ENPP2: variants seen among roughly 807,000 people sequenced by gnomAD.
The protein encoded by ENPP2 is ectonucleotide pyrophosphatase/phosphodiesterase 2.
A neutral mutation model predicts 120.2 loss-of-function variants in ENPP2; 51 were observed. The ratio of observed to expected loss-of-function variants is 0.42; its 90% CI spans 0.34 to 0.54. The LOEUF is 0.54. Among genes scored for constraint, ENPP2 ranks in the 20% least tolerant of loss-of-function variants. The probability of loss-of-function intolerance (pLI) is 0.04; values close to 1 mark genes in which losing one functional copy is unlikely to be tolerated. For missense variants in ENPP2, 920 were observed against 1,066.5 expected (o/e 0.86, Z 1.91); for synonymous variants, 365 against 366.4 (o/e 1.00, Z 0.04).
chr8:119,590,918 G>A (rs760847014), intron 12 of ENPP2, among the ~76,000 whole-genome samples: 2 of 146,672 alleles, frequency 1.4e-5, no homozygotes, highest in Non-Finnish European at 3.0e-5. Flanking sequence ...GCAAGACAAA[G>A]GAAGTCACCA....
intron 20 of ENPP2, 64 bp from the exon 21 acceptor site, chr8:119,569,434 C>A (rs1364045965): frequency 2.6e-6 from 4 of 1,528,520 alleles, no homozygotes; most frequent in Admixed American, 3.5e-5. Flanking sequence ...GAAATCAAAA[C>A]CCCTCTGGCT....
intron 4 of ENPP2, among the ~76,000 whole-genome samples, chr8:119,621,012 C>G (rs1815855772): frequency 6.6e-6 from 1 of 152,214 alleles, no homozygotes; most frequent in African/African-American, 2.4e-5. Flanking sequence ...CCACACTCCT[C>G]CTTCCCTATC....
At chr8:119,617,657 GA>G in intron 5 of ENPP2, 94 bp from the exon 6 acceptor site, 1 of 916,884 alleles carries the variant, frequency 1.1e-6, no homozygotes, top group Non-Finnish European at 1.7e-6. Flanking sequence ...TAATTTCCAA[GA>G]AAAAATTTCA....
In ENPP2 at chr8:119,600,544, G is replaced by C. The variant is rs1013933335; in HGVS notation, c.972+134C>G. The C allele has an allele frequency of 7.0e-6, 4 of 571,132 alleles. No homozygotes were observed. The African/African-American group carries it at 7.6e-5, about 11-fold the overall frequency. The allele number at this position is 571,132 out of a possible 1,614,324, so 35.4% of individuals were successfully genotyped here. On this transcript the variant is annotated intron_variant, in intron 11 of 24. Transcript: ENST00000075322. ...GATTTTTTAAAAAATTTTTAGTCTT[G>C]TAGTTATTTGACTTTGCATAAACCT...
chr8:119,592,023 C>A (rs1225224157), intron 12 of ENPP2, among the ~76,000 whole-genome samples: 1 of 152,216 alleles, frequency 6.6e-6, no homozygotes, highest in Non-Finnish European at 1.5e-5. Flanking sequence ...TCAGCCTTCA[C>A]TCTGCAGACT....
rs1161811962 is a variant in ENPP2, at chr8:119,600,547, G to A, written c.972+131C>T. On this transcript the variant is annotated intron_variant, in intron 11 of 24. Coordinates refer to ENST00000075322, the MANE Select transcript of ENPP2 (RefSeq NM_001040092.3). ...TTTTTAAAAAATTTTTAGTCTTGTAGTTATTTGACTTTGCATAAACCTTGT... is the reference window on the plus strand; with the variant it reads ...TTTTTAAAAAATTTTTAGTCTTGTAATTATTTGACTTTGCATAAACCTTGT... 6 of 592,296 alleles carry A rather than the reference G, an allele frequency of 1.0e-5. No homozygotes were observed. The Admixed American group carries it at 1.9e-4, about 19-fold the overall frequency. The allele number at this position is 592,296 out of a possible 1,614,324, so 36.7% of individuals were successfully genotyped here. A position where few individuals can be genotyped will look rare whatever the true frequency, so the allele number is the denominator to read the frequency against.
Position 119,587,051 on chromosome 8 carries a change from T to C in ENPP2, c.1232A>G (p.Asn411Ser). Residue 411 changes from asparagine (N) to serine (S), a missense_variant, in exon 14 of 25, where the codon AAT becomes AGT. Asn to Ser is a conservative substitution (Grantham distance 46). Transcript: ENST00000075322. ...ACAACTGGAAACACTTACCGTGAGA[T>C]TGGCAATAATGGCTTTGGGGTCATC... The part of the protein sequence containing the change: ...AKYDPKAIIA[N>S]LTCKKPDQHF... 6.2e-7 allele frequency: 1 copy of C among 1,609,152 alleles called. No individual in the cohort carries two copies. The highest frequency in any genetic ancestry group is 8.5e-7 in the Non-Finnish European group (1 of 1,178,198).
chr8:119,659,334 A>AAC (rs1817857021), intron 1 of ENPP2, among the ~76,000 whole-genome samples: 5 of 130,740 alleles, frequency 3.8e-5, no homozygotes, highest in South Asian at 5.7e-4. Flanking sequence ...AAAAAAAAAA[A>AAC]AAACCAGAGT....
At chr8:119,596,795 A>C (rs1813925765) in intron 11 of ENPP2, among the ~76,000 whole-genome samples, 1 of 152,188 alleles carries the variant, frequency 6.6e-6, no homozygotes, top group South Asian at 2.1e-4. Context: ...TTGCTATCAG[A>C]AACCTGCTTT....
chr8:119,650,298 G>A (rs1001779667), intron 1 of ENPP2, among the ~76,000 whole-genome samples: 3 of 152,114 alleles, frequency 2.0e-5, no homozygotes, highest in Admixed American at 1.3e-4. Flanking sequence ...ACCCACAGGG[G>A]ATAAAAGGTC....
At chr8:119,637,279 C>T (rs1001486983) in intron 2 of ENPP2, among the ~76,000 whole-genome samples, 5 of 152,218 alleles carry the variant, frequency 3.3e-5, no homozygotes, top group South Asian at 2.1e-4. Context: ...CAACAGAAGA[C>T]GACTCATTTT....
intron 14 of ENPP2, 123 bp from the exon 15 acceptor site, chr8:119,586,436 G>T: frequency 1.3e-6 from 1 of 759,136 alleles, no homozygotes; most frequent in Non-Finnish European, 2.2e-6. Context: ...GTGAATAAAT[G>T]AAATTTATTT....
chr8:119,612,765 C>T (rs1011260385), intron 8 of ENPP2, among the ~76,000 whole-genome samples: 27 of 152,106 alleles, frequency 1.8e-4, no homozygotes, highest in Non-Finnish European at 3.5e-4. Flanking sequence ...TAGTGTGTGC[C>T]TATAGTCCCA....
intron 1 of ENPP2, among the ~76,000 whole-genome samples, chr8:119,650,850 C>T (rs937454917): frequency 6.6e-6 from 1 of 152,128 alleles, no homozygotes; most frequent in African/African-American, 2.4e-5. Context: ...AGAAGAGACC[C>T]TAGTTCTTGC....
chr8:119,653,864 T>C (rs1238345526), intron 1 of ENPP2, among the ~76,000 whole-genome samples: 1 of 151,784 alleles, frequency 6.6e-6, no homozygotes, highest in African/African-American at 2.4e-5. Context: ...GGGTGTGCAT[T>C]GCCCTTCCTC....
intron 13 of ENPP2, among the ~76,000 whole-genome samples, chr8:119,588,518 A>G: frequency 7.0e-6 from 1 of 142,964 alleles, no homozygotes; most frequent in African/African-American, 2.7e-5. Flanking sequence ...GACAGAACAA[A>G]ACTCCGCCTC....
At chr8:119,590,858 G>T (rs1587411822) in intron 12 of ENPP2, among the ~76,000 whole-genome samples, 1 of 151,844 alleles carries the variant, frequency 6.6e-6, no homozygotes, top group Non-Finnish European at 1.5e-5. Flanking sequence ...AGCACTAGAA[G>T]GTTGAAAGTG....
At chr8:119,588,105 C>G (rs62528898) in intron 13 of ENPP2, among the ~76,000 whole-genome samples, 2,123 of 152,266 alleles carry the variant, frequency 0.014, 21 homozygotes, top group Admixed American at 0.022. Flanking sequence ...AATCTTAGCT[C>G]TAAAGCTTGA....
At chr8:119,610,903 T>TA (rs541673414) in intron 8 of ENPP2, among the ~76,000 whole-genome samples, 2,108 of 136,500 alleles carry the variant, frequency 0.015, 79 homozygotes, top group East Asian at 0.1. Flanking sequence ...ATTCTGTCTT[T>TA]AAAAAAAAAA....
Sources: gnomAD v4.1 joint callset for allele counts (sites outside exome capture counted in the v4.1 genomes callset) on GRCh38, gnomAD v4.1.1 for gene constraint, MANE v1.5 for transcripts, NCBI Gene and HGNC (gene_info 2026-07-23, HGNC 2026-07-21) for gene names.